NAT16: variants seen among roughly 807,000 people sequenced by gnomAD.
NAT16 encodes N-acetyltransferase 16 (putative).
A neutral mutation model predicts 15.9 loss-of-function variants in NAT16; 16 were observed. That is an observed-to-expected ratio of 1.01 (90% confidence interval 0.68 to 1.53). The LOEUF (loss-of-function observed/expected upper bound fraction) is 1.53. Ranked by LOEUF, NAT16 falls within the 40% of genes most tolerant of loss-of-function variation. NAT16 has a pLI of 0.00. For synonymous variants in NAT16, 260 were observed against 241.9 expected, an observed-to-expected ratio of 1.07 and a Z score of -0.69; for missense variants, 572 against 508.4, an observed-to-expected ratio of 1.13 and a Z score of -1.20.
rs746801492 is a variant in NAT16, at chr7:101,172,343, G to C, written c.846C>G (p.Arg282=). 1 of 1,597,476 alleles carries C rather than the reference G, an allele frequency of 6.3e-7. No homozygotes were observed. Among genetic ancestry groups the C allele is most frequent in the Non-Finnish European group, 8.5e-7 (1 of 1,173,750 alleles). Reference sequence around the variant, plus strand: ...CCCCTCCGTGCGGGATGGGGAAGGGGCGCGTGCACAGCGTGAGCACGCGCG... The same window carrying C: ...CCCCTCCGTGCGGGATGGGGAAGGGCCGCGTGCACAGCGTGAGCACGCGCG... ...ARPRVLTLCT[R]PFPIPHGGDG... is the part of the protein sequence containing the mutation. Residue 282 remains arginine (R), a synonymous_variant, in exon 4 of 4, where the codon CGC becomes CGG. Coordinates refer to ENST00000300303, the MANE Select transcript of NAT16 (RefSeq NM_198571.3). This position sits in a 1 kb window ranked among gnomAD's most constrained non-coding sequence, Gnocchi z 4.2.
chr7:101,170,727 C>G lies in NAT16; in HGVS notation c.*1352G>C, dbSNP rs1443136675. 1 of 152,470 alleles carries G rather than the reference C, an allele frequency of 6.6e-6. No homozygotes were observed. The allele number at this position is 152,470 out of a possible 1,614,324, so 9.4% of individuals were successfully genotyped here. ...ATCCCATCCCAGCGAACCCCAAACT[C>G]ACTGTCAACATTCTCCTAGCACCTA... On this transcript the variant is annotated 3_prime_UTR_variant, in exon 4 of 4. Transcript: ENST00000300303.
At chr7:101,174,256 G>C (rs1362900445) in intron 2 of NAT16, 2 of 512,720 alleles carry the variant, frequency 3.9e-6, no homozygotes, top group Non-Finnish European at 6.7e-6. Context: ...GTGGATCCTC[G>C]AACTTTCAAA....
chr7:101,173,190 TA>T, intron 3 of NAT16, 105 bp downstream of exon 3: 1 of 1,050,510 alleles, frequency 9.5e-7, no homozygotes, highest in Non-Finnish European at 1.5e-6. Context: ...CGCCACTCGG[TA>T]AAGCCCAGAG....
chr7:101,172,109 A>C lies in NAT16; in HGVS notation c.1080T>G (p.Thr360=). The change falls in exon 4 of 4, where the codon ACT becomes ACG. Residue 360 remains threonine (T), a synonymous_variant. Transcript: ENST00000300303. This position sits in a 1 kb window ranked among gnomAD's most constrained non-coding sequence, Gnocchi z 4.2. ...GLGLELVKGY[T]EQYLLEADI ...TGTCGGCCTCCAGCAGGTACTGTTC[A>C]GTATAACCCTTCACCAGCTCCAGTC... 1.9e-6 allele frequency: 3 copies of C among 1,613,684 alleles called. No individual in the cohort carries two copies. Among genetic ancestry groups the C allele is most frequent in the Non-Finnish European group, 2.5e-6 (3 of 1,179,724 alleles).
chr7:101,173,864 C>T, intron 2 of NAT16: 1 of 336,902 alleles, frequency 3.0e-6, no homozygotes, highest in East Asian at 5.1e-5. Context: ...GTAGCTGGGA[C>T]AACAGGCACG....
rs566267507 is a variant in NAT16 at position 101,174,726 on chromosome 7, T to C, written c.82A>G (p.Ser28Gly). 4.3e-6 allele frequency: 7 copies of C among 1,611,730 alleles called. No homozygotes were observed. In the South Asian group the frequency reaches 5.5e-5, roughly 13 times the overall value. Residue 28 changes from serine to glycine, a missense_variant, in exon 2 of 4, where the codon AGC becomes GGC. Physicochemically the swap from Ser to Gly is moderately conservative, Grantham distance 56. Coordinates refer to ENST00000300303, the MANE Select transcript of NAT16 (RefSeq NM_198571.3). ...EKKTARDAEP[S>G]SETRPQEVEA... ...ACCTCCTGTGGCCGGGTTTCAGAGC[T>C]TGGCTCTGCATCTCGGGCAGTCTTC...
chr7:101,175,665 T>G (rs1797448041), intron 1 of NAT16, among the ~76,000 whole-genome samples: 1 of 151,664 alleles, frequency 6.6e-6, no homozygotes, highest in Non-Finnish European at 1.5e-5. Flanking sequence ...CGGAAACTCA[T>G]GCCTGTACTC....
At position 101,171,953 on chromosome 7, in the gene NAT16, C is replaced by T. The variant is rs1476942648; in HGVS notation, c.*126G>A. 1.2e-5 allele frequency: 8 copies of T among 663,930 alleles called. No individual in the cohort carries two copies. The Admixed American group carries it at 2.0e-4, about 16-fold the overall frequency. The allele number at this position is 663,930 out of a possible 1,614,324, so 41.1% of individuals were successfully genotyped here. A position where few individuals can be genotyped will look rare whatever the true frequency, so the allele number is the denominator to read the frequency against. On this transcript the variant is annotated 3_prime_UTR_variant, in exon 4 of 4. Transcript: ENST00000300303. ...GTGGGGGGACCTGCGCCGGTAAGGG[C>T]AGGAGGGCAGGAGTCAGAGGGGACT...
rs1474492634 is a variant in NAT16, at chr7:101,173,468, T to A, written c.365A>T (p.Glu122Val). The A allele has an allele frequency of 8.7e-6, 14 of 1,611,276 alleles. No homozygotes were observed. The highest frequency in any genetic ancestry group is 1.2e-5 in the Non-Finnish European group (14 of 1,178,716). ...VIDAGETVLV[E>V]GLRVAPWERG... ...CTCCCAGGGCGCCACGCGCAGCCCCTCCACCAGCACCGTCTCCCCGGCGTC... is the reference window on the plus strand; with the variant it reads ...CTCCCAGGGCGCCACGCGCAGCCCCACCACCAGCACCGTCTCCCCGGCGTC... The change falls in exon 3 of 4, where the codon GAG (glutamate) becomes GTG (valine). Residue 122 changes from glutamate (E) to valine (V), a missense_variant. Glu to Val is a moderately radical substitution (Grantham distance 121). Transcript: ENST00000300303.
chr7:101,174,759 G>A lies in NAT16; in HGVS notation c.49C>T (p.Pro17Ser), dbSNP rs146332959. ...GCATCTCGGGCAGTCTTCTTTTCCG[G>A]CTTAGGGACCTCTGAGGTGGCTGTG... ...CGTATSEVPK[P>S]EKKTARDAEP... is the part of the protein sequence containing the mutation. The change falls in exon 2 of 4, where the codon CCG (proline) becomes TCG (serine). Residue 17 changes from proline (P) to serine (S), a missense_variant. Pro to Ser is a moderately conservative substitution (Grantham distance 74, BLOSUM62 -1). Coordinates refer to ENST00000300303, the MANE Select transcript of NAT16 (RefSeq NM_198571.3). 7 of 1,601,826 alleles carry A rather than the reference G, an allele frequency of 4.4e-6. No homozygotes were observed. The South Asian group carries it at 5.5e-5, about 13-fold the overall frequency.
At chr7:101,174,466 A>C in intron 2 of NAT16, 30 bp downstream of exon 2, 1 of 1,575,396 alleles carries the variant, frequency 6.3e-7, no homozygotes, top group Non-Finnish European at 8.6e-7. Context: ...GCTTCACCCC[A>C]TGTCACCTGG....
rs767662024 is a variant in NAT16, at chr7:101,174,729, G to A, written c.79C>T (p.Pro27Ser). 2 of 1,611,104 alleles carry A rather than the reference G, an allele frequency of 1.2e-6. No individual in the cohort carries two copies. Among genetic ancestry groups the A allele is most frequent in the South Asian group, 1.1e-5 (1 of 91,070 alleles). Residue 27 changes from proline (P) to serine (S), a missense_variant, in exon 2 of 4, where the codon CCA becomes TCA. Physicochemically the swap from Pro to Ser is moderately conservative, Grantham distance 74. Transcript: ENST00000300303. ...PEKKTARDAEPSSETRPQEVE... is the reference protein window; with the variant it reads ...PEKKTARDAESSSETRPQEVE... Reference sequence around the variant, plus strand: ...TCCTGTGGCCGGGTTTCAGAGCTTGGCTCTGCATCTCGGGCAGTCTTCTTT... The same window carrying A: ...TCCTGTGGCCGGGTTTCAGAGCTTGACTCTGCATCTCGGGCAGTCTTCTTT...
chr7:101,178,034 A>G (rs1056617618), intron 1 of NAT16, among the ~76,000 whole-genome samples: 1 of 152,174 alleles, frequency 6.6e-6, no homozygotes, highest in Non-Finnish European at 1.5e-5. Flanking sequence ...CACTACCCCC[A>G]AAGGTGATAA....
At chr7:101,173,188 G>C (rs1797375413) in intron 3 of NAT16, 108 bp downstream of exon 3, 7 of 1,034,164 alleles carry the variant, frequency 6.8e-6, no homozygotes, top group Non-Finnish European at 8.9e-6. Context: ...CGCGCCACTC[G>C]GTAAAGCCCA....
Position 101,172,317 on chromosome 7 carries a change from T to C in NAT16, c.872A>G (p.Asp291Gly). ...TRPFPIPHGG[D>G]GTWRYLNIDA... Reference sequence around the variant, plus strand: ...GATGTTGAGATAGCGCCAAGTGCCGTCCCCTCCGTGCGGGATGGGGAAGGG... The same window carrying C: ...GATGTTGAGATAGCGCCAAGTGCCGCCCCCTCCGTGCGGGATGGGGAAGGG... The change falls in exon 4 of 4, where the codon GAC (aspartate) becomes GGC (glycine). Residue 291 changes from aspartate to glycine, a missense_variant. Coordinates refer to ENST00000300303, the MANE Select transcript of NAT16 (RefSeq NM_198571.3). This position sits in a 1 kb window ranked among gnomAD's most constrained non-coding sequence, Gnocchi z 4.2. 2 of 1,608,658 alleles carry C rather than the reference T, an allele frequency of 1.2e-6. No individual in the cohort carries two copies. The highest frequency in any genetic ancestry group is 2.7e-5 in the African/African-American group (2 of 74,852).
intron 1 of NAT16, among the ~76,000 whole-genome samples, chr7:101,176,812 A>G (rs1428709104): frequency 6.6e-6 from 1 of 152,136 alleles, no homozygotes; most frequent in Admixed American, 6.6e-5. Context: ...CAGATAACCT[A>G]CGTTAAGCCT....
intron 1 of NAT16, among the ~76,000 whole-genome samples, chr7:101,175,019 A>T (rs138799744): frequency 0.077 from 11,674 of 152,076 alleles, 641 homozygotes; most frequent in Non-Finnish European, 0.12. Flanking sequence ...CAGTGGCGCG[A>T]TCTCGGCTCG....
chr7:101,174,827 G>A lies in NAT16; in HGVS notation c.-4-16C>T. 5 of 1,526,970 alleles carry A rather than the reference G, an allele frequency of 3.3e-6. No individual in the cohort carries two copies. The highest frequency in any genetic ancestry group is 4.4e-6 in the Non-Finnish European group (5 of 1,141,876). 94.6% of individuals were successfully genotyped at this position (1,526,970 alleles called of 1,614,324 possible). A position where few individuals can be genotyped will look rare whatever the true frequency, so the allele number is the denominator to read the frequency against. ...CTTCATGACCCTGCAGAAAAAAAGA[G>A]AATTCAGCACCTGGATCAGCCCCTT... On this transcript the variant is annotated splice_polypyrimidine_tract_variant and intron_variant, in intron 1 of 3. Transcript: ENST00000300303.
chr7:101,174,175 C>A, intron 2 of NAT16: 1 of 444,270 alleles, frequency 2.3e-6, no homozygotes, highest in South Asian at 5.8e-5. Context: ...GCTCTTCCTG[C>A]TCCCACCCCT....
Sources: gnomAD v4.1 joint callset for allele counts (sites outside exome capture counted in the v4.1 genomes callset) on GRCh38, gnomAD v4.1.1 for gene constraint, Gnocchi (gnomAD v3.1) non-coding constraint, MANE v1.5 for transcripts, NCBI Gene and HGNC (gene_info 2026-07-23, HGNC 2026-07-21) for gene names.